Variants in MAP4 observed in about 807,000 individuals in gnomAD.
The protein encoded by MAP4 is microtubule-associated protein 4.
MAP4 carries 76 observed loss-of-function variants against 170.2 expected under a neutral mutation model. The observed-to-expected ratio is 0.45, with a 90% CI of 0.37 to 0.54. MAP4 has a LOEUF of 0.54. MAP4 is among the 20% of genes least tolerant of loss of function. The pLI, the probability that MAP4 is intolerant of heterozygous loss-of-function variation, is 0.00. For synonymous variants in MAP4, 909 were observed against 994.5 expected, an observed-to-expected ratio of 0.91 and a Z score of 1.62; for missense variants, 2,506 against 2,748.0, an observed-to-expected ratio of 0.91 and a Z score of 1.97.
At chr3:47,906,253 A>G (rs2100032950) in intron 9 of MAP4, among the ~76,000 whole-genome samples, 1 of 152,158 alleles carries the variant, frequency 6.6e-6, no homozygotes, top group Non-Finnish European at 1.5e-5. Context: ...TCTTCAAACC[A>G]GAGATTCTTA....
At chr3:48,052,441 T>C (rs1296191046) in intron 1 of MAP4, among the ~76,000 whole-genome samples, 1 of 152,098 alleles carries the variant, frequency 6.6e-6, no homozygotes, top group Non-Finnish European at 1.5e-5. Flanking sequence ...GGGCTGGTCT[T>C]GAACTCCTGG....
intron 2 of MAP4, among the ~76,000 whole-genome samples, chr3:47,991,428 T>C (rs2100092133): frequency 1.3e-5 from 2 of 152,110 alleles, no homozygotes; most frequent in Non-Finnish European, 2.9e-5. Flanking sequence ...CCCAGTGCTT[T>C]GGGAGGCTAA....
At chr3:47,904,493 G>A (rs2100031781) in intron 9 of MAP4, among the ~76,000 whole-genome samples, 1 of 151,986 alleles carries the variant, frequency 6.6e-6, no homozygotes, top group Non-Finnish European at 1.5e-5. Context: ...TGTATTTTTA[G>A]TAGAGATGGG....
At chr3:47,969,803 T>G in intron 3 of MAP4, among the ~76,000 whole-genome samples, 1 of 149,612 alleles carries the variant, frequency 6.7e-6, no homozygotes, top group South Asian at 2.1e-4. Context: ...GAGCTTGCAG[T>G]GGGCCGAGAT....
In MAP4 at chr3:48,040,516, G is replaced by A. The variant is rs944657288; in HGVS notation, c.-19-41637C>T. On this transcript the variant is annotated intron_variant, in intron 1 of 18. Transcript: ENST00000360240. ...GATCTCCTGACCTTGTGATCCGCCC[G>A]CCTCGGCCTCCCAAAGTGCTGGGAT... is the stretch of plus-strand genomic sequence containing the variant. Among the ~76,000 whole-genome samples the A allele has an allele frequency of 3.9e-5, 6 of 152,196 alleles. No homozygotes were observed. In the East Asian group the frequency reaches 5.8e-4, roughly 15 times the overall value.
intron 1 of MAP4, among the ~76,000 whole-genome samples, chr3:48,080,479 A>G (rs1198404400): frequency 6.6e-6 from 1 of 152,222 alleles, no homozygotes; most frequent in Non-Finnish European, 1.5e-5. Context: ...TCCCATCAAG[A>G]AGACAAAGGT....
chr3:47,930,640 A>ACTTGATG (rs1253111438), intron 3 of MAP4, among the ~76,000 whole-genome samples: 3 of 152,072 alleles, frequency 2.0e-5, no homozygotes, highest in Admixed American at 6.5e-5. Flanking sequence ...TCAATTTAAA[A>ACTTGATG]CTTGATGGCC....
intron 1 of MAP4, among the ~76,000 whole-genome samples, chr3:48,021,509 G>A (rs996542706): frequency 1.3e-5 from 2 of 152,004 alleles, no homozygotes; most frequent in African/African-American, 2.4e-5. Flanking sequence ...CACCACATCC[G>A]GCTAATTTTT....
chr3:48,087,487 C>A (rs1324068495), intron 1 of MAP4, among the ~76,000 whole-genome samples: 1 of 152,076 alleles, frequency 6.6e-6, no homozygotes, highest in African/African-American at 2.4e-5. Flanking sequence ...GCTGTATTCC[C>A]TCACCACACC....
At position 47,869,194 on chromosome 3, in the gene MAP4, T is replaced by C; in HGVS notation, c.6408+20A>G. The stretch of plus-strand genomic sequence containing the variant: ...TTTTACCATCTTCACCTTGCAGAGG[T>C]GGGTCTAAATAAAACTCACTTTCCC... On this transcript the variant is annotated intron_variant, in intron 16 of 20. Transcript: ENST00000683076. 1 of 1,556,370 alleles carries C rather than the reference T, an allele frequency of 6.4e-7. No individual in the cohort carries two copies. The highest frequency in any genetic ancestry group is 8.9e-7 in the Non-Finnish European group (1 of 1,127,434).
rs766202503 is a variant in MAP4 at position 47,921,822 on chromosome 3, C to T, written c.472G>A (p.Ala158Thr). The change falls in exon 5 of 21, where the codon GCG becomes ACG. Residue 158 changes from alanine (A) to threonine (T), a missense_variant. Around this residue, in one of 3 missense-constraint regions of MAP4, gnomAD observed 2,008 missense variants for 2,206.0 expected, o/e 0.91. Coordinates refer to ENST00000683076, the MANE Select transcript of MAP4 (RefSeq NM_001385682.1). Reference protein sequence around the residue: ...DLADLVFPSSATADTSIFAGQ... With the variant: ...DLADLVFPSSTTADTSIFAGQ... ...GCAAATATTGAAGTATCAGCTGTCG[C>T]ACTGGAGGGAAAGACCAAATCTGCC... The T allele has an allele frequency of 6.2e-7, 1 of 1,612,466 alleles. No individual in the cohort carries two copies. Among genetic ancestry groups the T allele is most frequent in the South Asian group, 1.1e-5 (1 of 91,008 alleles).
chr3:47,909,033 C>T lies in MAP4; in HGVS notation c.5383+5G>A. ...CACACACATTTCCCCATGGCAGGTT[C>T]ATACCAGCGGACTTCAGTTGCTTAT... is the stretch of plus-strand genomic sequence containing the variant. On this transcript the variant is annotated splice_donor_5th_base_variant and intron_variant, in intron 9 of 20. Coordinates refer to ENST00000683076, the MANE Select transcript of MAP4 (RefSeq NM_001385682.1). The T allele has an allele frequency of 6.2e-7, 1 of 1,609,842 alleles. No individual in the cohort carries two copies. The highest frequency in any genetic ancestry group is 1.1e-5 in the South Asian group (1 of 90,218).
At chr3:47,969,076 C>T (rs1336521752) in intron 3 of MAP4, among the ~76,000 whole-genome samples, 2 of 152,190 alleles carry the variant, frequency 1.3e-5, no homozygotes, top group African/African-American at 4.8e-5. Context: ...AAACTAACAT[C>T]TGTGGCTATC....
chr3:47,907,583 G>A (rs2100033829), intron 9 of MAP4, among the ~76,000 whole-genome samples: 1 of 152,060 alleles, frequency 6.6e-6, no homozygotes, highest in Non-Finnish European at 1.5e-5. Context: ...ACCCAGGCAG[G>A]GCCCCAAAAG....
chr3:47,935,708 G>A (rs1312119417), intron 3 of MAP4, among the ~76,000 whole-genome samples: 6 of 151,828 alleles, frequency 4.0e-5, no homozygotes, highest in Admixed American at 6.6e-5. Flanking sequence ...AGGCTGAGAC[G>A]GGTGGATCAC....
intron 1 of MAP4, among the ~76,000 whole-genome samples, chr3:48,034,038 T>C (rs1467003234): frequency 2.0e-5 from 3 of 152,156 alleles, no homozygotes; most frequent in South Asian, 2.1e-4. Flanking sequence ...ATCATTCTAA[T>C]CTCTTTCTAC....
intron 3 of MAP4, among the ~76,000 whole-genome samples, chr3:47,965,736 T>G (rs2100074459): frequency 6.6e-6 from 1 of 152,192 alleles, no homozygotes; most frequent in Non-Finnish European, 1.5e-5. Context: ...TTTGCCCATA[T>G]TTTTAATTTT....
intron 3 of MAP4, among the ~76,000 whole-genome samples, chr3:47,941,996 G>A (rs929708267): frequency 6.6e-6 from 1 of 152,112 alleles, no homozygotes; most frequent in African/African-American, 2.4e-5. Flanking sequence ...GGCTGTGCTA[G>A]TATTTGGTCT....
chr3:47,948,269 TG>T (rs2100061424), intron 3 of MAP4, among the ~76,000 whole-genome samples: 1 of 150,736 alleles, frequency 6.6e-6, no homozygotes, highest in Non-Finnish European at 1.5e-5. Flanking sequence ...GTCTCAGCTC[TG>T]TTGCCCAGGA....
Sources: allele counts gnomAD v4.1 joint callset (sites outside exome capture counted in the v4.1 genomes callset), GRCh38; gene constraint gnomAD v4.1.1; regional missense constraint gnomAD v4.1.1; transcripts MANE v1.5; gene names NCBI Gene and HGNC (gene_info 2026-07-23, HGNC 2026-07-21).